ADCK1: variants seen among roughly 807,000 people sequenced by gnomAD.
ADCK1 encodes aarF domain containing kinase 1, also known as aarF domain-containing protein kinase 1.
ADCK1 carries 41 observed loss-of-function variants against 52.3 expected under a neutral mutation model. The ratio of observed to expected loss-of-function variants is 0.78; its 90% CI spans 0.61 to 1.02. ADCK1 has a LOEUF of 1.02. ADCK1 is among the 50% of genes least tolerant of loss of function. The probability of loss-of-function intolerance (pLI) is 0.00; values close to 1 mark genes in which losing one functional copy is unlikely to be tolerated. For synonymous variants in ADCK1, 250 were observed against 274.6 expected, an observed-to-expected ratio of 0.91 and a Z score of 0.89; for missense variants, 658 against 679.5, an observed-to-expected ratio of 0.97 and a Z score of 0.35.
chr14:77,853,743 G>A (rs755322126), intron 3 of ADCK1, among the ~76,000 whole-genome samples: 1 of 152,158 alleles, frequency 6.6e-6, no homozygotes, highest in Non-Finnish European at 1.5e-5. Context: ...ACAATTTTTG[G>A]ATATGCACGT....
At chr14:77,873,982 T>C (rs962531616) in intron 4 of ADCK1, among the ~76,000 whole-genome samples, 5 of 152,218 alleles carry the variant, frequency 3.3e-5, no homozygotes, top group African/African-American at 1.2e-4. Context: ...GATCAAGTAC[T>C]CTAACACTCT....
chr14:77,929,472 G>A (rs546895935), intron 9 of ADCK1, among the ~76,000 whole-genome samples: 7 of 152,164 alleles, frequency 4.6e-5, no homozygotes, highest in Non-Finnish European at 1.0e-4. Flanking sequence ...TTTTTTAGAA[G>A]TGCCGGCCTC....
intron 7 of ADCK1, among the ~76,000 whole-genome samples, chr14:77,917,436 A>C (rs780599806): frequency 5.3e-5 from 8 of 152,196 alleles, no homozygotes; most frequent in Non-Finnish European, 1.0e-4. Flanking sequence ...ACCCCCCAGG[A>C]ACATGAATAG....
intron 6 of ADCK1, among the ~76,000 whole-genome samples, chr14:77,907,487 T>C (rs1595067378): frequency 6.6e-6 from 1 of 152,194 alleles, no homozygotes. Context: ...TGCCCAGGTG[T>C]GAGGTGTTCC....
intron 3 of ADCK1, among the ~76,000 whole-genome samples, chr14:77,846,172 TC>T (rs2082169954): frequency 6.6e-6 from 1 of 152,108 alleles, no homozygotes; most frequent in South Asian, 2.1e-4. Context: ...CCATCTCTGC[TC>T]CCCTAAGCCA....
chr14:77,810,092 G>A (rs1386675867), intron 1 of ADCK1, among the ~76,000 whole-genome samples: 1 of 151,404 alleles, frequency 6.6e-6, no homozygotes, highest in African/African-American at 2.4e-5. Context: ...GGTATGTCAG[G>A]CATTGCCTTA....
intron 6 of ADCK1, among the ~76,000 whole-genome samples, chr14:77,907,079 A>G (rs777026609): frequency 6.6e-5 from 10 of 151,934 alleles, no homozygotes; most frequent in South Asian, 4.2e-4. Context: ...ATGCCTGGCT[A>G]ATTTTTGTAT....
chr14:77,861,990 G>T (rs143726818), intron 4 of ADCK1, among the ~76,000 whole-genome samples: 49 of 152,322 alleles, frequency 3.2e-4, no homozygotes, highest in African/African-American at 1.1e-3. Context: ...CAGGGAGTGC[G>T]CTGGGGCCAC....
rs549846790 is a variant in ADCK1, at chr14:77,815,082, G to A, written c.-11-3886G>A. 3.3e-3 allele frequency among the ~76,000 whole-genome samples: 493 copies of A among 150,322 alleles called. 4 individuals are homozygous for A. Among genetic ancestry groups the A allele is most frequent in the African/African-American group, 0.011 (468 of 40,968 alleles). Reference sequence around the variant, plus strand: ...TTTTTTTTTTTTTTTTAGTAGAGACGGGGTTTCACCATGTTGGTTAGGCTG... The same window carrying A: ...TTTTTTTTTTTTTTTTAGTAGAGACAGGGTTTCACCATGTTGGTTAGGCTG... On this transcript the variant is annotated intron_variant, in intron 1 of 10. Coordinates refer to ENST00000238561, the MANE Select transcript of ADCK1 (RefSeq NM_020421.4).
intron 3 of ADCK1, among the ~76,000 whole-genome samples, chr14:77,857,421 G>A (rs946631747): frequency 6.6e-6 from 1 of 152,150 alleles, no homozygotes; most frequent in Non-Finnish European, 1.5e-5. Flanking sequence ...GTACAATACA[G>A]TTTTCTAAAT....
intron 3 of ADCK1, among the ~76,000 whole-genome samples, chr14:77,831,690 T>C (rs545440061): frequency 4.6e-5 from 7 of 152,082 alleles, no homozygotes; most frequent in Middle Eastern, 3.4e-3. Context: ...GCTCAAGCAG[T>C]CCTCTTGCCT....
intron 1 of ADCK1, among the ~76,000 whole-genome samples, chr14:77,817,945 A>G (rs186774852): frequency 1.2e-4 from 18 of 150,800 alleles, no homozygotes; most frequent in East Asian, 9.9e-4. Flanking sequence ...TCATCGTGTT[A>G]GCCAGGATGG....
intron 3 of ADCK1, among the ~76,000 whole-genome samples, chr14:77,829,441 C>T (rs970630220): frequency 6.6e-6 from 1 of 150,924 alleles, no homozygotes; most frequent in Admixed American, 6.6e-5. Context: ...TACAGGTGTG[C>T]ACCACCATGC....
chr14:77,842,896 T>C (rs3082687), intron 3 of ADCK1, among the ~76,000 whole-genome samples: 157 of 132,848 alleles, frequency 1.2e-3, no homozygotes, highest in African/African-American at 4.5e-3. Flanking sequence ...TTCTTTCTTT[T>C]TTTTTTTTTT....
intron 3 of ADCK1, among the ~76,000 whole-genome samples, chr14:77,842,928 C>T (rs1444881389): frequency 6.0e-4 from 86 of 143,634 alleles, no homozygotes; most frequent in African/African-American, 2.1e-3. Flanking sequence ...CTTTTTCTGT[C>T]ATCCAGGCTG....
chr14:77,877,972 A>G (rs1374011692), intron 4 of ADCK1, among the ~76,000 whole-genome samples: 1 of 134,188 alleles, frequency 7.5e-6, no homozygotes, highest in African/African-American at 2.5e-5. Flanking sequence ...GCTGTTTGTC[A>G]TCTTCTCAGA....
At chr14:77,893,737 C>CTTCCTTCCTTTCTT (rs35559156) in intron 5 of ADCK1, among the ~76,000 whole-genome samples, 1,813 of 50,314 alleles carry the variant, frequency 0.036, 80 homozygotes, top group African/African-American at 0.14. Context: ...TCCTTCCTTC[C>CTTCCTTCCTTTCTT]TTTTTTTTTT....
At chr14:77,825,976 A>G (rs548164110) in intron 3 of ADCK1, among the ~76,000 whole-genome samples, 4 of 152,192 alleles carry the variant, frequency 2.6e-5, no homozygotes, top group Non-Finnish European at 5.9e-5. Context: ...CGGAATCTGC[A>G]GAGGAGGCAG....
chr14:77,933,489 C>A lies in ADCK1; in HGVS notation c.*98C>A. The A allele has an allele frequency of 6.9e-7, 1 of 1,444,808 alleles. No individual in the cohort carries two copies. Among genetic ancestry groups the A allele is most frequent in the South Asian group, 1.2e-5 (1 of 81,884 alleles). The allele number at this position is 1,444,808 out of a possible 1,614,324, so 89.5% of individuals were successfully genotyped here. Reference sequence around the variant, plus strand: ...GCTCCATTTTTGCCACATCGTGGCCCGCAGCCCCAGAGTCACTGTCCATGT... The same window carrying A: ...GCTCCATTTTTGCCACATCGTGGCCAGCAGCCCCAGAGTCACTGTCCATGT... On this transcript the variant is annotated 3_prime_UTR_variant, in exon 11 of 11. Coordinates refer to ENST00000238561, the MANE Select transcript of ADCK1 (RefSeq NM_020421.4).
Sources: gnomAD v4.1 joint callset for allele counts (sites outside exome capture counted in the v4.1 genomes callset) on GRCh38, gnomAD v4.1.1 for gene constraint, MANE v1.5 for transcripts, NCBI Gene and HGNC (gene_info 2026-07-23, HGNC 2026-07-21) for gene names.